Variants in TBCE observed in about 807,000 individuals in gnomAD.
The protein encoded by TBCE is tubulin folding cofactor E, also known as tubulin-specific chaperone E.
A neutral mutation model predicts 77.0 loss-of-function variants in TBCE; 53 were observed. That is an observed-to-expected ratio of 0.69 (90% CI 0.55 to 0.87). The LOEUF is 0.87. Ranked by LOEUF, TBCE falls within the 40% of genes least tolerant of loss-of-function variation. TBCE has a pLI of 0.00. For missense variants in TBCE, 624 were observed against 622.4 expected (o/e 1.00, Z -0.03); for synonymous variants, 235 against 241.3 (o/e 0.97, Z 0.24).
chr1:235,419,327 T>G, intron 4 of TBCE, 146 bp from the exon 5 acceptor site: 1 of 1,215,378 alleles, frequency 8.2e-7, no homozygotes, highest in Non-Finnish European at 1.2e-6. Context: ...TTGTAATGCT[T>G]TATTTCTTAA....
At chr1:235,434,639 C>T (rs1052563518) in intron 8 of TBCE, among the ~76,000 whole-genome samples, 37 of 150,890 alleles carry the variant, frequency 2.5e-4, no homozygotes, top group South Asian at 8.3e-4. Context: ...TGAGTTCAAG[C>T]GATTCTTCTG....
chr1:235,443,238 G>T (rs1344018637), intron 15 of TBCE, among the ~76,000 whole-genome samples: 1 of 151,578 alleles, frequency 6.6e-6, no homozygotes, highest in African/African-American at 2.4e-5. Flanking sequence ...GCCTCACTCT[G>T]TCACCCAGGT....
At chr1:235,424,886 C>T (rs1680619312) in intron 5 of TBCE, among the ~76,000 whole-genome samples, 1 of 152,164 alleles carries the variant, frequency 6.6e-6, no homozygotes, top group Admixed American at 6.5e-5. Context: ...GGTGATCCGC[C>T]CACTTTGGCC....
rs753639709 is a variant in TBCE at position 235,438,876 on chromosome 1, C to T, written c.1224C>T (p.Ser408=). 44 of 1,613,962 alleles carry T rather than the reference C, an allele frequency of 2.7e-5. 1 individual carries two copies. The highest frequency in any genetic ancestry group is 1.5e-4 in the South Asian group (14 of 91,076). ...GHKDPEKNRL[S]EEFLTAHPRY... is the part of the protein sequence containing the mutation. ...AGGATCCGGAAAAAAACAGACTCAG[C>T]GAAGAATTCCTCACAGCCCATCCCA... is the stretch of plus-strand genomic sequence containing the variant. The change falls in exon 13 of 17, where the codon AGC becomes AGT. Residue 408 remains serine (S), a synonymous_variant. Coordinates refer to ENST00000642610, the MANE Select transcript of TBCE (RefSeq NM_003193.5).
intron 4 of TBCE, among the ~76,000 whole-genome samples, chr1:235,418,729 A>G (rs1213745041): frequency 6.6e-6 from 1 of 152,218 alleles, no homozygotes; most frequent in Non-Finnish European, 1.5e-5. Context: ...CCGTAGTGAA[A>G]TCTCACCACT....
chr1:235,397,239 T>A (rs980040564), intron 2 of TBCE, among the ~76,000 whole-genome samples: 5 of 143,948 alleles, frequency 3.5e-5, no homozygotes, highest in South Asian at 2.2e-4. Context: ...TCTTGCTCTG[T>A]CGCCCAGGCT....
chr1:235,438,619 T>C, intron 12 of TBCE, 150 bp from the exon 13 acceptor site: 1 of 849,066 alleles, frequency 1.2e-6, no homozygotes, highest in Non-Finnish European at 1.9e-6. Context: ...GTTCTGTCAA[T>C]GTTAAAAAGA....
At chr1:235,407,425 C>G (rs985552380) in intron 3 of TBCE, among the ~76,000 whole-genome samples, 1 of 152,078 alleles carries the variant, frequency 6.6e-6, no homozygotes, top group African/African-American at 2.4e-5. Context: ...ACATATTGTT[C>G]TGAAAGAAAG....
In TBCE at chr1:235,431,363, C is replaced by CT. The variant is rs60208965; in HGVS notation, c.660+574dup. Among the ~76,000 whole-genome samples the CT allele has an allele frequency of 1.9e-3, 271 of 141,216 alleles. 1 individual carries two copies. The highest frequency in any genetic ancestry group is 7.3e-3 in the Middle Eastern group (2 of 274). 92.6% of individuals were successfully genotyped at this position (141,216 alleles called of 152,430 possible). On this transcript the variant is annotated intron_variant, in intron 7 of 16. Coordinates refer to ENST00000642610, the MANE Select transcript of TBCE (RefSeq NM_003193.5). ...TCACACACCCAGAGCATTCCACTTT[C>CT]TTTTTTTTTTTTTTTGAGACGGAGT...
intron 3 of TBCE, among the ~76,000 whole-genome samples, chr1:235,412,428 C>T (rs1415496796): frequency 1.3e-5 from 2 of 150,676 alleles, no homozygotes; most frequent in Non-Finnish European, 3.0e-5. Context: ...CAGGGTTTCA[C>T]CATGTTGACC....
At chr1:235,424,174 C>T (rs1680566394) in intron 5 of TBCE, among the ~76,000 whole-genome samples, 1 of 152,142 alleles carries the variant, frequency 6.6e-6, no homozygotes, top group Non-Finnish European at 1.5e-5. Context: ...TGACACAGCT[C>T]TGTGACTGCT....
rs1049414167 is a variant in TBCE, at chr1:235,450,645, G to A, written c.*1883G>A. On this transcript the variant is annotated 3_prime_UTR_variant, in exon 17 of 17. Coordinates refer to ENST00000642610, the MANE Select transcript of TBCE (RefSeq NM_003193.5). The stretch of plus-strand genomic sequence containing the variant: ...CCACAAGTGAGTTTCATGTTTGCTA[G>A]TAAAGGTGTGTCTATGGCAGTATTA... 8 of 334,734 alleles carry A rather than the reference G, an allele frequency of 2.4e-5. No individual in the cohort carries two copies. Among genetic ancestry groups the A allele is most frequent in the African/African-American group, 4.2e-5 (2 of 47,676 alleles). 20.7% of individuals were successfully genotyped at this position (334,734 alleles called of 1,614,324 possible).
chr1:235,426,703 T>C (rs1368876141), intron 5 of TBCE, among the ~76,000 whole-genome samples: 14 of 152,244 alleles, frequency 9.2e-5, no homozygotes, highest in Admixed American at 9.2e-4. Context: ...TGGAGTGCAG[T>C]GGCGCAGTCT....
chr1:235,381,294 A>G (rs1677620216), intron 2 of TBCE, among the ~76,000 whole-genome samples: 2 of 152,138 alleles, frequency 1.3e-5, no homozygotes, highest in Non-Finnish European at 1.5e-5. Context: ...AAAAACAACT[A>G]ATGAGACTAG....
At chr1:235,418,768 G>C (rs1680237413) in intron 4 of TBCE, among the ~76,000 whole-genome samples, 1 of 152,190 alleles carries the variant, frequency 6.6e-6, no homozygotes, top group Non-Finnish European at 1.5e-5. Flanking sequence ...GAAAAAGTCA[G>C]GTGCAGAAGG....
At chr1:235,383,073 A>C (rs1264974658) in intron 2 of TBCE, among the ~76,000 whole-genome samples, 3 of 140,686 alleles carry the variant, frequency 2.1e-5, no homozygotes, top group South Asian at 2.4e-4. Flanking sequence ...TAAATAGGGA[A>C]TCCTTTCCCC....
chr1:235,431,461 A>G (rs1681080542), intron 7 of TBCE, among the ~76,000 whole-genome samples: 2 of 151,634 alleles, frequency 1.3e-5, no homozygotes, highest in African/African-American at 4.9e-5. Context: ...TCCCAGGTTC[A>G]AGCGATTCTC....
chr1:235,397,470 C>T (rs1479634137), intron 2 of TBCE, among the ~76,000 whole-genome samples: 1 of 152,184 alleles, frequency 6.6e-6, no homozygotes, highest in Non-Finnish European at 1.5e-5. Flanking sequence ...GCTTTGGCCT[C>T]CCAAAGTGCT....
rs1681444113 is a variant in TBCE at position 235,436,296 on chromosome 1, T to C, written c.834-90T>C. 4.8e-6 allele frequency: 6 copies of C among 1,248,512 alleles called. No individual in the cohort carries two copies. The East Asian group carries it at 7.0e-5, about 15-fold the overall frequency. 77.3% of individuals were successfully genotyped at this position (1,248,512 alleles called of 1,614,324 possible). ...TACATGGGATTAAAAACCCAGGGTG[T>C]AGGAAAAAAATTTACAAACCGAGTC... On this transcript the variant is annotated intron_variant, in intron 9 of 16. Transcript: ENST00000642610.
Sources: allele counts gnomAD v4.1 joint callset (sites outside exome capture counted in the v4.1 genomes callset), GRCh38; gene constraint gnomAD v4.1.1; transcripts MANE v1.5; gene names NCBI Gene and HGNC (gene_info 2026-07-23, HGNC 2026-07-21).